SLC36A1: variants seen among roughly 807,000 people sequenced by gnomAD.
The protein encoded by SLC36A1 is solute carrier family 36 member 1.
A neutral mutation model predicts 47.5 loss-of-function variants in SLC36A1; 30 were observed. The observed-to-expected ratio is 0.63, with a 90% CI of 0.47 to 0.86. SLC36A1 has a LOEUF of 0.86. SLC36A1 is among the 40% of genes least tolerant of loss of function. The pLI is 0.00. For missense variants in SLC36A1, 517 were observed against 606.0 expected (o/e 0.85, Z 1.54); for synonymous variants, 255 against 249.7 (o/e 1.02, Z -0.20).
chr5:151,417,180 T>C, the SLC36A1 span, among the ~76,000 whole-genome samples: 1 of 152,234 alleles, frequency 6.6e-6, no homozygotes, highest in Admixed American at 6.5e-5. Context: ...GCTATAAAGA[T>C]ACTTGAAAAT....
chr5:151,432,957 G>A (rs1759454653), upstream of SLC36A1, among the ~76,000 whole-genome samples: 1 of 151,806 alleles, frequency 6.6e-6, no homozygotes, highest in African/African-American at 2.4e-5. Context: ...ATCCTAAGCA[G>A]AGGACCCAGT....
the SLC36A1 span, chr5:151,543,948 G>C: frequency 5.0e-5 from 80 of 1,614,016 alleles, no homozygotes; most frequent in Non-Finnish European, 6.7e-5. Flanking sequence ...GGTGTCCACA[G>C]GTTGCCAGTT....
rs770726997 is a variant in SLC36A1 at position 151,463,518 on chromosome 5, A to T, written c.144-35A>T. 4 of 1,472,348 alleles carry T rather than the reference A, an allele frequency of 2.7e-6. No individual in the cohort carries two copies. In the South Asian group the frequency reaches 4.5e-5, roughly 17 times the overall value. The allele number at this position is 1,472,348 out of a possible 1,614,324, so 91.2% of individuals were successfully genotyped here. ...GAGATCCTAATAAAAGTTAACTGTC[A>T]TGGTTATCATTTCCTTGGCTGTCTT... On this transcript the variant is annotated intron_variant, in intron 2 of 10. Coordinates refer to ENST00000243389, the MANE Select transcript of SLC36A1 (RefSeq NM_078483.4).
chr5:151,543,183 G>A, the SLC36A1 span: 33 of 1,614,166 alleles, frequency 2.0e-5, no homozygotes, highest in East Asian at 6.9e-4. Context: ...ATCCCACCAG[G>A]CTGTCTTTCA....
At chr5:151,513,566 G>A in the SLC36A1 span, among the ~76,000 whole-genome samples, 2 of 152,122 alleles carry the variant, frequency 1.3e-5, no homozygotes, top group African/African-American at 4.8e-5. Context: ...ACGCAAAGAA[G>A]GGAACAATAG....
the SLC36A1 span, among the ~76,000 whole-genome samples, chr5:151,538,843 ATTT>A: frequency 2.1e-5 from 3 of 143,892 alleles, no homozygotes; most frequent in South Asian, 2.2e-4. Context: ...CACCTGGCTA[ATTT>A]TTTTTTTTTT....
At chr5:151,416,687 G>T in the SLC36A1 span, among the ~76,000 whole-genome samples, 1 of 152,170 alleles carries the variant, frequency 6.6e-6, no homozygotes, top group African/African-American at 2.4e-5. Flanking sequence ...GCGGAGATAG[G>T]TGACTACAAA....
At chr5:151,470,909 G>A (rs944530863) in intron 7 of SLC36A1, 1 of 152,080 alleles carries the variant, frequency 6.6e-6, no homozygotes, top group Non-Finnish European at 1.5e-5. Flanking sequence ...AACAGTTCTG[G>A]GCAGAGTGCT....
At chr5:151,359,623 TCTC>T in the SLC36A1 span, among the ~76,000 whole-genome samples, 1 of 152,124 alleles carries the variant, frequency 6.6e-6, no homozygotes, top group South Asian at 2.1e-4. Flanking sequence ...CACCTAATAG[TCTC>T]CTCCTGCCCA....
the SLC36A1 span, among the ~76,000 whole-genome samples, chr5:151,364,573 G>C: frequency 3.9e-4 from 59 of 152,200 alleles, 1 homozygote; most frequent in Non-Finnish European, 7.2e-4. Flanking sequence ...TACTATTAAG[G>C]ATCTTAGAGT....
the SLC36A1 span, among the ~76,000 whole-genome samples, chr5:151,366,874 A>G: frequency 1.3e-5 from 2 of 152,216 alleles, no homozygotes; most frequent in African/African-American, 2.4e-5. Flanking sequence ...GACATCACAT[A>G]TCGGTAAGAC....
the SLC36A1 span, among the ~76,000 whole-genome samples, chr5:151,548,286 GTAT>G: frequency 2.7e-4 from 41 of 151,716 alleles, no homozygotes; most frequent in Non-Finnish European, 4.4e-4. Flanking sequence ...GCTCTATGAA[GTAT>G]TATTATTAAA....
the SLC36A1 span, chr5:151,554,603 A>T: frequency 6.2e-7 from 1 of 1,614,202 alleles, no homozygotes. Flanking sequence ...ATTGTCATTG[A>T]CGTCCAAGAT....
the SLC36A1 span, among the ~76,000 whole-genome samples, chr5:151,513,186 A>G: frequency 2.6e-5 from 4 of 152,268 alleles, no homozygotes; most frequent in South Asian, 2.1e-4. Flanking sequence ...GCTATCTTCT[A>G]TTAAGCCAGG....
chr5:151,386,685 C>T, the SLC36A1 span, among the ~76,000 whole-genome samples: 17 of 152,174 alleles, frequency 1.1e-4, no homozygotes, highest in Admixed American at 9.8e-4. Flanking sequence ...ATAGAATTTG[C>T]GTCTTGAGCA....
At chr5:151,512,742 T>A in the SLC36A1 span, 3 of 770,084 alleles carry the variant, frequency 3.9e-6, no homozygotes, top group Non-Finnish European at 6.2e-6. This position sits in a 1 kb window ranked among gnomAD's most constrained non-coding sequence, Gnocchi z 4.1. Flanking sequence ...AGACATGGCA[T>A]TTGCAGAGCA....
intron 8 of SLC36A1, 31 bp from the exon 9 acceptor site, chr5:151,476,559 C>A: frequency 1.4e-6 from 2 of 1,409,868 alleles, no homozygotes; most frequent in Non-Finnish European, 9.3e-7. Flanking sequence ...TTTTTCTGCA[C>A]TTTCTCTCCT....
the SLC36A1 span, among the ~76,000 whole-genome samples, chr5:151,398,008 C>G: frequency 3.6e-4 from 54 of 152,064 alleles, 2 homozygotes; most frequent in East Asian, 9.9e-3. Context: ...GTCCCAGCTA[C>G]TCAGGAGGCT....
At chr5:151,529,473 A>C in the SLC36A1 span, 3 of 1,213,084 alleles carry the variant, frequency 2.5e-6, no homozygotes, top group Admixed American at 5.4e-5. Context: ...GCCCAGCCCT[A>C]GGAGAGGCAG....
Sources: gnomAD v4.1 joint callset for allele counts (sites outside exome capture counted in the v4.1 genomes callset) on GRCh38, gnomAD v4.1.1 for gene constraint, Gnocchi (gnomAD v3.1) non-coding constraint, MANE v1.5 for transcripts, NCBI Gene and HGNC (gene_info 2026-07-23, HGNC 2026-07-21) for gene names.